Variants in LAMA5 observed in about 807,000 individuals in gnomAD.
LAMA5 encodes laminin subunit alpha-5.
In LAMA5, 260 loss-of-function variants were observed where a neutral mutation model predicts 433.4. The ratio of observed to expected loss-of-function variants is 0.60; its 90% CI spans 0.54 to 0.66. The LOEUF (loss-of-function observed/expected upper bound fraction) is 0.66, where lower values mean the gene tolerates loss of function less well. Among genes scored for constraint, LAMA5 ranks in the 30% least tolerant of loss-of-function variants. The probability of loss-of-function intolerance (pLI) is 0.00; values close to 1 mark genes in which losing one functional copy is unlikely to be tolerated. For synonymous variants in LAMA5, 2,620 were observed against 2,226.6 expected, an observed-to-expected ratio of 1.18 and a Z score of -4.97; for missense variants, 5,378 against 5,258.5, an observed-to-expected ratio of 1.02 and a Z score of -0.70.
Position 62,312,429 on chromosome 20 carries a change from C to T in LAMA5, c.9331G>A (p.Val3111Met), listed in dbSNP as rs199902568. The T allele has an allele frequency of 2.8e-5, 45 of 1,597,934 alleles. No individual in the cohort carries two copies. In the East Asian group the frequency reaches 6.9e-4, roughly 25 times the overall value. Residue 3111 changes from valine (V) to methionine (M), a missense_variant, in exon 68 of 80, where the codon GTG becomes ATG. Transcript: ENST00000252999. Reference protein sequence around the residue: ...VDLKRLNTTGVSAGCTADLLV... With the variant: ...VDLKRLNTTGMSAGCTADLLV... ...AGGTCGGCGGTGCAGCCGGCGCTCACGCCTGTCGTGTTCAGCCGCTTGAGG... is the reference window on the plus strand; with the variant it reads ...AGGTCGGCGGTGCAGCCGGCGCTCATGCCTGTCGTGTTCAGCCGCTTGAGG...
rs781311253 is a variant in LAMA5 at position 62,315,182 on chromosome 20, A to G, written c.7893T>C (p.His2631=). The change falls in exon 59 of 80, where the codon CAT becomes CAC. Residue 2631 remains histidine, a synonymous_variant. Transcript: ENST00000252999. ...DTDETSKKIA[H]AKAVAAEAQD... ...GGGCTTCAGCAGCCACAGCCTTGGC[A>G]TGTGCGATCTTCTTGCTTGTCTCGT... is the stretch of plus-strand genomic sequence containing the variant. 2.9e-5 allele frequency: 47 copies of G among 1,609,866 alleles called. No homozygotes were observed. In the South Asian group the frequency reaches 4.8e-4, roughly 17 times the overall value.
At position 62,331,063 on chromosome 20, in the gene LAMA5, T is replaced by C; in HGVS notation, c.3619A>G (p.Ile1207Val). The change falls in exon 29 of 80, where the codon ATC (isoleucine) becomes GTC (valine). Residue 1207 changes from isoleucine (I) to valine (V), a missense_variant. Transcript: ENST00000252999. ...PEFVEPRVSCISSHGAFGPNS... is the reference protein window; with the variant it reads ...PEFVEPRVSCVSSHGAFGPNS... Reference sequence around the variant, plus strand: ...GGGCCAAAGGCGCCGTGGCTGCTGATGCAGCTGACCCGGGGCTCCACGAAC... The same window carrying C: ...GGGCCAAAGGCGCCGTGGCTGCTGACGCAGCTGACCCGGGGCTCCACGAAC... The C allele has an allele frequency of 6.2e-7, 1 of 1,603,864 alleles. No homozygotes were observed. The highest frequency in any genetic ancestry group is 8.5e-7 in the Non-Finnish European group (1 of 1,175,314).
At position 62,327,656 on chromosome 20, in the gene LAMA5, C is replaced by A; in HGVS notation, c.4811G>T (p.Gly1604Val). 6.2e-7 allele frequency: 1 copy of A among 1,613,022 alleles called. No individual in the cohort carries two copies. Among genetic ancestry groups the A allele is most frequent in the South Asian group, 1.1e-5 (1 of 91,078 alleles). The change falls in exon 37 of 80, where the codon GGC becomes GTC. Residue 1604 changes from glycine (G) to valine (V), a missense_variant. Coordinates refer to ENST00000252999, the MANE Select transcript of LAMA5 (RefSeq NM_005560.6). ...GQCYCKENVQ[G>V]PKCDQCSLGT... ...AAGGCTGCACTGGTCACATTTGGGG[C>A]CCTGCACGTTCTCCTAGGGATGAGA...
chr20:62,310,459 C>G lies in LAMA5; in HGVS notation c.10560G>C (p.Ala3520=). The change falls in exon 76 of 80, where the codon GCG becomes GCC. Residue 3520 remains alanine (A), a synonymous_variant. Transcript: ENST00000252999. ...CCCCGCTGCCTGGGAAGAACAGGCC[C>G]GCCTCCAGGGGGCCCAAGATGCAGG... is the stretch of plus-strand genomic sequence containing the variant. The part of the protein sequence containing the change: ...VTPCILGPLE[A]GLFFPGSGGV... 1 of 1,600,914 alleles carries G rather than the reference C, an allele frequency of 6.2e-7. No individual in the cohort carries two copies.
In LAMA5 at chr20:62,324,595, G is replaced by T. The variant is rs1261140443; in HGVS notation, c.5530-41C>A. ...GGCAGGTGGCATCAGCGATTGAGAG[G>T]ACGAGGGGCCCCACCCTGCAAGCTC... On this transcript the variant is annotated intron_variant, in intron 41 of 79. Transcript: ENST00000252999. The surrounding 1 kb of genome is among the most constrained non-coding windows in gnomAD (Gnocchi z 4.4). The T allele has an allele frequency of 6.9e-7, 1 of 1,451,824 alleles. No homozygotes were observed. Among genetic ancestry groups the T allele is most frequent in the South Asian group, 1.2e-5 (1 of 84,544 alleles). The allele number at this position is 1,451,824 out of a possible 1,614,324, so 89.9% of individuals were successfully genotyped here. A position where few individuals can be genotyped will look rare whatever the true frequency, so the allele number is the denominator to read the frequency against.
Position 62,316,010 on chromosome 20 carries a change from G to A in LAMA5, c.7805C>T (p.Ala2602Val), listed in dbSNP as rs781424648. 6.2e-7 allele frequency: 1 copy of A among 1,609,890 alleles called. No homozygotes were observed. Among genetic ancestry groups the A allele is most frequent in the South Asian group, 1.1e-5 (1 of 90,642 alleles). Residue 2602 changes from alanine to valine, a missense_variant, in exon 58 of 80, where the codon GCC becomes GTC. Ala to Val is a moderately conservative substitution (Grantham distance 64). Transcript: ENST00000252999. The stretch of plus-strand genomic sequence containing the variant: ...GTGCGCCTCCAGCTGGTCCTTCTTG[G>A]CCCGGACATCTCGGAGCTGGGTCCT... Reference protein sequence around the residue: ...GARTQLRDVRAKKDQLEAHIQ... With the variant: ...GARTQLRDVRVKKDQLEAHIQ...
chr20:62,320,058 T>C (rs1009186118), intron 50 of LAMA5, among the ~76,000 whole-genome samples: 2 of 152,018 alleles, frequency 1.3e-5, no homozygotes, highest in South Asian at 2.1e-4. Context: ...GTGGCTCACG[T>C]CTGTAATCCC....
At position 62,313,527 on chromosome 20, in the gene LAMA5, G is replaced by T; in HGVS notation, c.8659-67C>A. On this transcript the variant is annotated intron_variant, in intron 63 of 79. Transcript: ENST00000252999. ...CCTCCCCTCCAGGATGGACCAAGGGGACTTCAGACTACAGCAGGACGGACT... is the reference window on the plus strand; with the variant it reads ...CCTCCCCTCCAGGATGGACCAAGGGTACTTCAGACTACAGCAGGACGGACT... The T allele has an allele frequency of 3.9e-6, 6 of 1,557,096 alleles. No homozygotes were observed. The South Asian group carries it at 4.8e-5, about 13-fold the overall frequency.
At chr20:62,358,943 C>G (rs1046971304) in intron 2 of LAMA5, among the ~76,000 whole-genome samples, 6 of 152,260 alleles carry the variant, frequency 3.9e-5, no homozygotes, top group African/African-American at 1.2e-4. Context: ...GGGGCACAGG[C>G]CCTCACCTGG....
intron 46 of LAMA5, 66 bp from the exon 47 acceptor site, chr20:62,322,515 AG>A: frequency 1.3e-6 from 2 of 1,506,462 alleles, no homozygotes; most frequent in African/African-American, 1.4e-5. Context: ...CCTGGAAGCC[AG>A]GGGTCCTGCC....
In LAMA5 at chr20:62,328,877, C is replaced by T. The variant is rs1227287369; in HGVS notation, c.4414G>A (p.Ala1472Thr). The T allele has an allele frequency of 1.9e-6, 3 of 1,611,534 alleles. No homozygotes were observed. In the Admixed American group the frequency reaches 5.0e-5, roughly 27 times the overall value. The change falls in exon 34 of 80, where the codon GCC becomes ACC. Residue 1472 changes from alanine to threonine, a missense_variant. Transcript: ENST00000252999. ...TTGGGGAAGCCCCAGTATCCGGTGG[C>T]ACAGCGGGAGCAGTCACGGCCAATG... ...HVIGRDCSRC[A>T]TGYWGFPNCR...
Position 62,330,526 on chromosome 20 carries a change from G to A in LAMA5, c.3941C>T (p.Pro1314Leu), listed in dbSNP as rs753086272. The change falls in exon 31 of 80, where the codon CCC becomes CTC. Residue 1314 changes from proline (P) to leucine (L), a missense_variant. By Grantham distance (98) the Pro-to-Leu change is moderately conservative (BLOSUM62 -3). Coordinates refer to ENST00000252999, the MANE Select transcript of LAMA5 (RefSeq NM_005560.6). ...GCCGGCGTTGATGAGGACTTCCACGGGGAAGGTGGGGTGGGCTGGCTGGTA... is the reference window on the plus strand; with the variant it reads ...GCCGGCGTTGATGAGGACTTCCACGAGGAAGGTGGGGTGGGCTGGCTGGTA... ...HGYQPAHPTF[P>L]VEVLINAGRV... 6.3e-7 allele frequency: 1 copy of A among 1,575,444 alleles called. No homozygotes were observed. Among genetic ancestry groups the A allele is most frequent in the East Asian group, 2.3e-5 (1 of 43,552 alleles).
chr20:62,362,588 G>A (rs1309335322), intron 1 of LAMA5, 36 bp from the exon 2 acceptor site: 2 of 1,455,996 alleles, frequency 1.4e-6, no homozygotes, highest in African/African-American at 1.4e-5. Flanking sequence ...TAGCCGAGAA[G>A]GGCCGGGGCC....
rs146755180 is a variant in LAMA5, at chr20:62,320,864, G to C, written c.6523C>G (p.Leu2175Val). Residue 2175 changes from leucine to valine, a missense_variant, in exon 49 of 80, where the codon CTG (leucine) becomes GTG (valine). By Grantham distance (32) the Leu-to-Val change is conservative (BLOSUM62 1). Coordinates refer to ENST00000252999, the MANE Select transcript of LAMA5 (RefSeq NM_005560.6). ...EVCDHCVVLL[L>V]DDLERAGALL... ...GCGCCGGCCCGTTCCAGGTCATCCA[G>C]GAGCAGGACCACACAGTGGTCACAC... 1.2e-6 allele frequency: 2 copies of C among 1,611,662 alleles called. No individual in the cohort carries two copies. The highest frequency in any genetic ancestry group is 1.3e-5 in the African/African-American group (1 of 74,906).
intron 33 of LAMA5, 33 bp downstream of exon 33, chr20:62,329,105 C>A (rs765789657): frequency 2.5e-5 from 40 of 1,611,988 alleles, no homozygotes; most frequent in Non-Finnish European, 3.3e-5. Context: ...AGACCCCCAC[C>A]CCGGACCCCT....
chr20:62,318,520 T>C lies in LAMA5; in HGVS notation c.7173A>G (p.Ala2391=), dbSNP rs1987300770. Residue 2391 remains alanine, a synonymous_variant, in exon 53 of 80, where the codon GCA becomes GCG. Transcript: ENST00000252999. ...CCTGGGCCTCCCGTGTGGCGTCCAC[T>C]GCCCGGTTCAAAGCCTCTCGCAGGT... The part of the protein sequence containing the change: ...LMDLREALNR[A]VDATREAQEL... The C allele has an allele frequency of 1.2e-6, 2 of 1,609,466 alleles. No individual in the cohort carries two copies. The highest frequency in any genetic ancestry group is 1.3e-5 in the African/African-American group (1 of 74,668).
In LAMA5 at chr20:62,335,064, A is replaced by G; in HGVS notation, c.2439T>C (p.Asp813=). 6.2e-7 allele frequency: 1 copy of G among 1,613,036 alleles called. No homozygotes were observed. Among genetic ancestry groups the G allele is most frequent in the Non-Finnish European group, 8.5e-7 (1 of 1,179,710 alleles). Residue 813 remains aspartate (D), a synonymous_variant, in exon 20 of 80, where the codon GAT becomes GAC. Coordinates refer to ENST00000252999, the MANE Select transcript of LAMA5 (RefSeq NM_005560.6). ...CAGCCTGATCCAGTCCAAAGAAGCCATCCTTGCAGGACGCGCAGGCCTGGC... is the reference window on the plus strand; with the variant it reads ...CAGCCTGATCCAGTCCAAAGAAGCCGTCCTTGCAGGACGCGCAGGCCTGGC... ...VCGQACASCK[D]GFFGLDQADY...
intron 2 of LAMA5, among the ~76,000 whole-genome samples, chr20:62,361,349 G>C (rs1568990365): frequency 6.6e-6 from 1 of 152,084 alleles, no homozygotes; most frequent in Non-Finnish European, 1.5e-5. Context: ...GGCTCTGCAA[G>C]TTCAGGAACC....
At position 62,352,331 on chromosome 20, in the gene LAMA5, C is replaced by T. The variant is rs373531459; in HGVS notation, c.598G>A (p.Gly200Arg). 5 of 1,599,394 alleles carry T rather than the reference C, an allele frequency of 3.1e-6. No homozygotes were observed. Among genetic ancestry groups the T allele is most frequent in the Admixed American group, 1.7e-5 (1 of 59,986 alleles). Residue 200 changes from glycine (G) to arginine (R), a missense_variant, in exon 4 of 80, where the codon GGG becomes AGG. By Grantham distance (125) the Gly-to-Arg change is moderately radical. Coordinates refer to ENST00000252999, the MANE Select transcript of LAMA5 (RefSeq NM_005560.6). ...GTGATGCGCTCCAGCGTCTGTGGCC[C>T]GAACCGCTCCAGACAGTCCCTCTTG... Reference protein sequence around the residue: ...SSKRDCLERFGPQTLERITRD... With the variant: ...SSKRDCLERFRPQTLERITRD...
Sources: allele counts gnomAD v4.1 joint callset (sites outside exome capture counted in the v4.1 genomes callset), GRCh38; gene constraint gnomAD v4.1.1; non-coding constraint Gnocchi (gnomAD v3.1); transcripts MANE v1.5; gene names NCBI Gene and HGNC (gene_info 2026-07-23, HGNC 2026-07-21).